Variants in PCDHA1 observed in about 807,000 individuals in gnomAD.
The protein encoded by PCDHA1 is protocadherin alpha-1.
Under a neutral mutation model 61.3 loss-of-function variants are expected in PCDHA1, and 42 were observed. The observed-to-expected ratio is 0.69, with a 90% CI of 0.54 to 0.89. PCDHA1 has a LOEUF of 0.89. PCDHA1 is among the 40% of genes least tolerant of loss of function. The pLI is 0.00. For synonymous variants in PCDHA1, 610 were observed against 553.8 expected, an observed-to-expected ratio of 1.10 and a Z score of -1.43; for missense variants, 1,256 against 1,235.3, an observed-to-expected ratio of 1.02 and a Z score of -0.25.
chr5:140,795,612 T>TG (rs1562154033), intron 1 of PCDHA1: 1 of 1,614,180 alleles, frequency 6.2e-7, no homozygotes. Context: ...TGGCTACTGA[T>TG]GGGGGCAAAC....
chr5:140,900,127 T>A (rs528737566), intron 1 of PCDHA1, among the ~76,000 whole-genome samples: 2 of 152,328 alleles, frequency 1.3e-5, no homozygotes, highest in East Asian at 3.9e-4. Flanking sequence ...GATTTTTAGG[T>A]ACCACAAATA....
chr5:140,856,716 G>T (rs1482820775), intron 1 of PCDHA1: 1 of 1,596,628 alleles, frequency 6.3e-7, no homozygotes, highest in Admixed American at 1.7e-5. Context: ...GAATTTACCG[G>T]ATCTGTTTCT....
At chr5:140,876,449 G>T (rs1396307044) in intron 1 of PCDHA1, 1 of 1,613,880 alleles carries the variant, frequency 6.2e-7, no homozygotes, top group Non-Finnish European at 8.5e-7. Context: ...ATTGATAAAG[G>T]GATTCCTTCC....
chr5:140,839,516 A>G (rs2150298514), intron 1 of PCDHA1, among the ~76,000 whole-genome samples: 7 of 151,942 alleles, frequency 4.6e-5, no homozygotes, highest in African/African-American at 1.7e-4. Context: ...CAGCCTCTCA[A>G]GTTGCTGGGA....
chr5:140,997,864 C>A (rs2097788719), intron 3 of PCDHA1, among the ~76,000 whole-genome samples: 1 of 152,100 alleles, frequency 6.6e-6, no homozygotes, highest in South Asian at 2.1e-4. Context: ...ATTTCTTATG[C>A]ATGCTTGCTA....
intron 1 of PCDHA1, chr5:140,835,666 G>C: frequency 6.2e-7 from 1 of 1,613,936 alleles, no homozygotes; most frequent in South Asian, 1.1e-5. Context: ...GTTACCGCGC[G>C]GGACGGGGGC....
chr5:140,798,502 T>C (rs1762331557), intron 1 of PCDHA1, among the ~76,000 whole-genome samples: 1 of 152,212 alleles, frequency 6.6e-6, no homozygotes, highest in Non-Finnish European at 1.5e-5. Context: ...CCAGTCTTTA[T>C]GTTAATGGTT....
chr5:140,977,923 C>T (rs573696974), intron 1 of PCDHA1, among the ~76,000 whole-genome samples: 2 of 151,828 alleles, frequency 1.3e-5, no homozygotes, highest in Admixed American at 1.3e-4. Flanking sequence ...TTTTTTCATT[C>T]AACTATACCT....
chr5:140,796,565 A>C, intron 1 of PCDHA1: 4 of 1,612,846 alleles, frequency 2.5e-6, no homozygotes, highest in Non-Finnish European at 3.4e-6. Context: ...CTGCAGTTCC[A>C]GGTGAGCGCG....
In PCDHA1 at chr5:140,856,514, G is replaced by C. The variant is rs781942781; in HGVS notation, c.2394+67830G>C. 1 of 1,598,422 alleles carries C rather than the reference G, an allele frequency of 6.3e-7. No individual in the cohort carries two copies. The highest frequency in any genetic ancestry group is 1.3e-5 in the African/African-American group (1 of 74,442). On this transcript the variant is annotated intron_variant, in intron 1 of 3. Coordinates refer to ENST00000504120, the MANE Select transcript of PCDHA1 (RefSeq NM_018900.4). ...TGACTCTCGATTTCCACTAGAAGGC[G>C]CATCTGATGCGGATGTTGGAGAGAA... is the stretch of plus-strand genomic sequence containing the variant.
At chr5:140,914,426 A>T (rs1554196349) in intron 1 of PCDHA1, among the ~76,000 whole-genome samples, 1 of 152,140 alleles carries the variant, frequency 6.6e-6, no homozygotes. Context: ...TTAGCAAGGA[A>T]TATCTTTTCC....
chr5:140,966,665 G>A, intron 1 of PCDHA1: 1 of 1,258,258 alleles, frequency 7.9e-7, no homozygotes. Flanking sequence ...GGGGGAGCAG[G>A]CGCAGGGTGG....
chr5:140,846,373 CTT>C (rs374699051), intron 1 of PCDHA1, among the ~76,000 whole-genome samples: 1,689 of 55,008 alleles, frequency 0.031, 26 homozygotes, highest in African/African-American at 0.077. Context: ...TTCTTTCTTT[CTT>C]TTTTTTTTTT....
chr5:140,870,288 G>A (rs782327278), intron 1 of PCDHA1: 4 of 1,614,090 alleles, frequency 2.5e-6, no homozygotes, highest in Admixed American at 3.3e-5. Flanking sequence ...TTCCCTTCAA[G>A]CTGGTGTCCA....
At position 140,869,590 on chromosome 5, in the gene PCDHA1, G is replaced by A. The variant is rs372301742; in HGVS notation, c.2394+80906G>A. 61 of 1,613,984 alleles carry A rather than the reference G, an allele frequency of 3.8e-5. No individual in the cohort carries two copies. The highest frequency in any genetic ancestry group is 4.9e-5 in the Non-Finnish European group (58 of 1,180,038). ...AGAGGGAGCTTCTGATGCTGACATT[G>A]AAGAGAATGCTCTATTGACCTACAG... On this transcript the variant is annotated intron_variant, in intron 1 of 3. Coordinates refer to ENST00000504120, the MANE Select transcript of PCDHA1 (RefSeq NM_018900.4).
At chr5:140,803,126 G>C in intron 1 of PCDHA1, 2 of 1,613,810 alleles carry the variant, frequency 1.2e-6, no homozygotes, top group Non-Finnish European at 1.7e-6. Context: ...TGGACGCCCC[G>C]CGCCATCGCC....
intron 1 of PCDHA1, chr5:140,841,384 C>T (rs1222164678): frequency 1.2e-6 from 2 of 1,613,362 alleles, no homozygotes; most frequent in Non-Finnish European, 1.7e-6. Context: ...TTCTGCTCCT[C>T]GCAGCCTGGA....
chr5:140,968,035 G>A, intron 1 of PCDHA1: 1 of 1,614,184 alleles, frequency 6.2e-7, no homozygotes, highest in South Asian at 1.1e-5. Flanking sequence ...CACTGGTGGT[G>A]AGCGGCCCAC....
rs1761326121 is a variant in PCDHA1 at position 140,786,692 on chromosome 5, G to T, written c.402G>T (p.Arg134Ser). The change falls in exon 1 of 4, where the codon AGG (arginine) becomes AGT (serine). Residue 134 changes from arginine to serine, a missense_variant. Coordinates refer to ENST00000504120, the MANE Select transcript of PCDHA1 (RefSeq NM_018900.4). ...KDINDNPPVF[R>S]GREQIIFIPE... is the part of the protein sequence containing the mutation. ...TTAACGATAATCCACCCGTCTTCAG[G>T]GGCAGAGAACAAATAATATTTATTC... The T allele has an allele frequency of 3.1e-6, 5 of 1,614,210 alleles. No homozygotes were observed. The highest frequency in any genetic ancestry group is 4.2e-6 in the Non-Finnish European group (5 of 1,180,040).
Sources: gnomAD v4.1 joint callset for allele counts (sites outside exome capture counted in the v4.1 genomes callset) on GRCh38, gnomAD v4.1.1 for gene constraint, MANE v1.5 for transcripts, NCBI Gene and HGNC (gene_info 2026-07-23, HGNC 2026-07-21) for gene names.